The following ZNF267 variants were observed in gnomAD, a reference collection of about 807,000 sequenced individuals.
ZNF267 encodes the protein zinc finger protein 267.
In ZNF267, 61 loss-of-function variants were observed where a neutral mutation model predicts 71.6. The observed-to-expected ratio is 0.85, with a 90% CI of 0.69 to 1.05. The LOEUF is 1.05. ZNF267 is among the 50% of genes least tolerant of loss of function. ZNF267 has a pLI of 0.00. For synonymous variants in ZNF267, 288 were observed against 293.2 expected, an observed-to-expected ratio of 0.98 and a Z score of 0.18; for missense variants, 852 against 870.0, an observed-to-expected ratio of 0.98 and a Z score of 0.26.
At chr16:31,884,659 T>C in intron 2 of ZNF267, 35 bp downstream of exon 2, 1 of 1,583,408 alleles carries the variant, frequency 6.3e-7, no homozygotes. Context: ...ATCTAATAAC[T>C]AAGAGTTTTA....
In ZNF267 at chr16:31,916,512, T is replaced by A; in HGVS notation, c.*31T>A. The A allele has an allele frequency of 6.3e-7, 1 of 1,576,070 alleles. No homozygotes were observed. The highest frequency in any genetic ancestry group is 1.4e-5 in the African/African-American group (1 of 73,968). On this transcript the variant is annotated 3_prime_UTR_variant, in exon 4 of 4. Transcript: ENST00000300870. ...TAAAACATGGAGCAGATTTTTTACT[T>A]GTTACCCATGTCTTATTGTGCATCA...
intron 3 of ZNF267, among the ~76,000 whole-genome samples, chr16:31,903,940 C>A (rs556435844): frequency 6.6e-6 from 1 of 152,162 alleles, no homozygotes; most frequent in South Asian, 2.1e-4. Flanking sequence ...ATAAATTTCC[C>A]TCTGCACACT....
intron 3 of ZNF267, among the ~76,000 whole-genome samples, chr16:31,899,182 CTAATAGACA>C (rs2142348423): frequency 6.6e-6 from 1 of 152,226 alleles, no homozygotes; most frequent in African/African-American, 2.4e-5. Flanking sequence ...CCAAGCAGAC[CTAATAGACA>C]TCTACAGAAC....
At position 31,877,785 on chromosome 16, in the gene ZNF267, T is replaced by A. The variant is rs139241999; in HGVS notation, c.3+3816T>A. Among the ~76,000 whole-genome samples, 1,313 of 152,264 alleles carry A rather than the reference T, an allele frequency of 8.6e-3. 6 individuals are homozygous for A. The highest frequency in any genetic ancestry group is 0.034 in the Middle Eastern group (10 of 294). On this transcript the variant is annotated intron_variant, in intron 1 of 3. Coordinates refer to ENST00000300870, the MANE Select transcript of ZNF267 (RefSeq NM_003414.6). ...GGGGGATTTCTTTAATCACAGCTATTTACCAGGTTACTGTTCCTATTTTTT... is the reference window on the plus strand; with the variant it reads ...GGGGGATTTCTTTAATCACAGCTATATACCAGGTTACTGTTCCTATTTTTT...
intron 3 of ZNF267, among the ~76,000 whole-genome samples, chr16:31,895,337 A>G (rs2083990573): frequency 6.6e-6 from 1 of 152,260 alleles, no homozygotes; most frequent in Admixed American, 6.5e-5. Flanking sequence ...AATAGTATGT[A>G]CGTACAGCAC....
chr16:31,911,190 G>A (rs545021071), intron 3 of ZNF267, among the ~76,000 whole-genome samples: 3 of 151,684 alleles, frequency 2.0e-5, no homozygotes, highest in East Asian at 3.9e-4. Context: ...TATTTATTAG[G>A]TATATTTGGT....
chr16:31,909,435 CCT>C (rs1191729131), intron 3 of ZNF267, among the ~76,000 whole-genome samples: 2 of 151,996 alleles, frequency 1.3e-5, no homozygotes, highest in Non-Finnish European at 2.9e-5. Context: ...ACCCAGCCAT[CCT>C]CTTCAATGTC....
At chr16:31,899,350 A>G (rs942256119) in intron 3 of ZNF267, among the ~76,000 whole-genome samples, 1 of 152,228 alleles carries the variant, frequency 6.6e-6, no homozygotes, top group Non-Finnish European at 1.5e-5. Context: ...CCACAGTGCA[A>G]TCAAATTAGA....
intron 3 of ZNF267, among the ~76,000 whole-genome samples, chr16:31,908,890 T>TA (rs941936973): frequency 1.3e-5 from 2 of 152,058 alleles, no homozygotes; most frequent in African/African-American, 4.8e-5. Context: ...AGGATAGCTT[T>TA]GCTATTCTGA....
chr16:31,895,440 T>C (rs2142344733), intron 3 of ZNF267, among the ~76,000 whole-genome samples: 1 of 152,234 alleles, frequency 6.6e-6, no homozygotes, highest in East Asian at 1.9e-4. Context: ...AATGCAGATA[T>C]CTTTGTCAAA....
chr16:31,910,757 A>T (rs2084129548), intron 3 of ZNF267, among the ~76,000 whole-genome samples: 1 of 150,316 alleles, frequency 6.7e-6, no homozygotes. Flanking sequence ...GTTTATTATA[A>T]TTTTTGTTTT....
intron 3 of ZNF267, among the ~76,000 whole-genome samples, chr16:31,906,524 A>G (rs908383969): frequency 1.3e-5 from 2 of 152,158 alleles, no homozygotes; most frequent in African/African-American, 4.8e-5. Flanking sequence ...TTTGATCTCA[A>G]GACTGCTGTG....
At chr16:31,895,357 A>G (rs796873540) in intron 3 of ZNF267, among the ~76,000 whole-genome samples, 11 of 152,284 alleles carry the variant, frequency 7.2e-5, no homozygotes, top group African/African-American at 2.6e-4. Context: ...CATTTTCATT[A>G]TTTATCTGCT....
chr16:31,891,607 A>G (rs2083960791), intron 3 of ZNF267, among the ~76,000 whole-genome samples: 1 of 152,174 alleles, frequency 6.6e-6, no homozygotes, highest in Non-Finnish European at 1.5e-5. Context: ...GTGATAGTGA[A>G]TAAGTCTCAC....
intron 3 of ZNF267, among the ~76,000 whole-genome samples, chr16:31,910,506 T>C (rs2084127513): frequency 6.6e-6 from 1 of 151,680 alleles, no homozygotes; most frequent in Non-Finnish European, 1.5e-5. Flanking sequence ...AACTTACCCA[T>C]TTTTGTTAGA....
At chr16:31,897,217 T>C (rs2084006370) in intron 3 of ZNF267, among the ~76,000 whole-genome samples, 1 of 150,512 alleles carries the variant, frequency 6.6e-6, no homozygotes, top group Admixed American at 6.6e-5. Context: ...AGTTGCAGGA[T>C]ATAAAATTTC....
At chr16:31,888,847 T>C (rs2083940968) in intron 3 of ZNF267, among the ~76,000 whole-genome samples, 1 of 152,128 alleles carries the variant, frequency 6.6e-6, no homozygotes, top group Non-Finnish European at 1.5e-5. Context: ...AAGTGCTTTT[T>C]TCTTTCAGTT....
intron 3 of ZNF267, among the ~76,000 whole-genome samples, chr16:31,904,474 A>G (rs1039087448): frequency 2.0e-5 from 3 of 152,208 alleles, no homozygotes; most frequent in African/African-American, 2.4e-5. Flanking sequence ...GTGCTCCTGT[A>G]TGGGGTACAT....
intron 3 of ZNF267, among the ~76,000 whole-genome samples, chr16:31,890,780 A>G (rs1482595741): frequency 1.3e-5 from 2 of 152,136 alleles, no homozygotes; most frequent in Non-Finnish European, 2.9e-5. Flanking sequence ...TAACTAACAC[A>G]CTCCCATAAG....
Sources: gnomAD v4.1 joint callset for allele counts (sites outside exome capture counted in the v4.1 genomes callset) on GRCh38, gnomAD v4.1.1 for gene constraint, MANE v1.5 for transcripts, NCBI Gene and HGNC (gene_info 2026-07-23, HGNC 2026-07-21) for gene names.